Variants in SORL1 observed in about 807,000 individuals in gnomAD.
SORL1 encodes sortilin related receptor 1, also known as sortilin-related receptor.
In SORL1, 127 loss-of-function variants were observed where a neutral mutation model predicts 273.7. The observed-to-expected ratio is 0.46, with a 90% CI of 0.40 to 0.54. The LOEUF (loss-of-function observed/expected upper bound fraction) is 0.54, where lower values mean the gene tolerates loss of function less well. SORL1 is among the 20% of genes least tolerant of loss of function. The probability of loss-of-function intolerance (pLI) is 0.00; values close to 1 mark genes in which losing one functional copy is unlikely to be tolerated. For synonymous variants in SORL1, 1,031 were observed against 1,067.4 expected (o/e 0.97, Z 0.66); for missense variants, 2,494 against 2,846.1 (o/e 0.88, Z 2.81).
Position 121,532,512 on chromosome 11 carries a change from A to G in SORL1, c.1645A>G (p.Ile549Val), listed in dbSNP as rs1391154147. The G allele has an allele frequency of 1.2e-6, 2 of 1,614,048 alleles. No homozygotes were observed. The highest frequency in any genetic ancestry group is 1.3e-5 in the African/African-American group (1 of 74,916). ...YYTWGDHGGI[I>V]TAIAQGMETN... ...CACATGGGGAGACCACGGCGGAATC[A>G]TCACGGCCATTGCCCAGGGCATGGA... The change falls in exon 12 of 48, where the codon ATC becomes GTC. Residue 549 changes from isoleucine (I) to valine (V), a missense_variant. Coordinates refer to ENST00000260197, the MANE Select transcript of SORL1 (RefSeq NM_003105.6).
At chr11:121,492,578 G>A (rs1261954455) in intron 5 of SORL1, among the ~76,000 whole-genome samples, 1 of 152,084 alleles carries the variant, frequency 6.6e-6, no homozygotes, top group Non-Finnish European at 1.5e-5. Context: ...AAGGACTTTT[G>A]TAAGTTTTGT....
chr11:121,500,007 C>T (rs753780), intron 6 of SORL1, among the ~76,000 whole-genome samples: 19,024 of 152,216 alleles, frequency 0.12, 1,500 homozygotes, highest in African/African-American at 0.21. Flanking sequence ...CTGTTGGCCT[C>T]GCTCTGGCTT....
At chr11:121,598,734 A>C (rs955474889) in intron 32 of SORL1, among the ~76,000 whole-genome samples, 1 of 152,194 alleles carries the variant, frequency 6.6e-6, no homozygotes. Context: ...GAGAAAAATC[A>C]TCTTGGCCAA....
intron 1 of SORL1, among the ~76,000 whole-genome samples, chr11:121,457,750 G>A (rs945145255): frequency 2.0e-5 from 3 of 152,226 alleles, no homozygotes; most frequent in Non-Finnish European, 4.4e-5. Context: ...GTTCCCTTGA[G>A]ATGTGGAGTC....
intron 28 of SORL1, among the ~76,000 whole-genome samples, chr11:121,588,744 C>T (rs577500274): frequency 3.3e-5 from 5 of 152,322 alleles, no homozygotes; most frequent in Admixed American, 3.3e-4. Flanking sequence ...AGCCTGGAAG[C>T]TAGCAGTCCA....
chr11:121,621,078 A>G lies in SORL1; in HGVS notation c.5904A>G (p.Ala1968=). Residue 1968 remains alanine (A), a synonymous_variant, in exon 44 of 48, where the codon GCA becomes GCG. Transcript: ENST00000260197. ...SPDQDLLYAV[A]VKDLIRKTDR... ...TTTGGTCCTAGTTGTATGCAGTTGC[A>G]GTCAAAGATCTCATAAGAAAGACTG... The G allele has an allele frequency of 6.2e-7, 1 of 1,608,884 alleles. No homozygotes were observed. Among genetic ancestry groups the G allele is most frequent in the East Asian group, 2.2e-5 (1 of 44,832 alleles).
At position 121,543,071 on chromosome 11, in the gene SORL1, G is replaced by C. The variant is rs184688558; in HGVS notation, c.1686-477G>C. On this transcript the variant is annotated intron_variant, in intron 12 of 47. Coordinates refer to ENST00000260197, the MANE Select transcript of SORL1 (RefSeq NM_003105.6). ...CCGGGTGTGGTGGCGGGCACCTATA[G>C]TCCCAGCTACTCGGGAGGCTGAGGC... 5.2e-3 allele frequency among the ~76,000 whole-genome samples: 781 copies of C among 149,970 alleles called. 8 individuals carry two copies. The highest frequency in any genetic ancestry group is 0.018 in the African/African-American group (748 of 40,922).
At chr11:121,599,316 G>T (rs891101039) in intron 32 of SORL1, among the ~76,000 whole-genome samples, 4 of 152,206 alleles carry the variant, frequency 2.6e-5, no homozygotes, top group African/African-American at 9.6e-5. Context: ...AGGCCAAGGC[G>T]GGTGGATCAC....
intron 24 of SORL1, among the ~76,000 whole-genome samples, chr11:121,575,625 A>C (rs1176987790): frequency 6.6e-6 from 1 of 152,238 alleles, no homozygotes; most frequent in African/African-American, 2.4e-5. Flanking sequence ...GGCCATTTCC[A>C]CACAGAAAAT....
chr11:121,626,549 T>C (rs1342246150), intron 46 of SORL1: 1 of 152,216 alleles, frequency 6.6e-6, no homozygotes, highest in African/African-American at 2.4e-5. Context: ...ACAATTGTTC[T>C]CTGGCCCATC....
chr11:121,605,677 C>T, intron 35 of SORL1, 106 bp downstream of exon 35: 2 of 889,942 alleles, frequency 2.2e-6, no homozygotes, highest in South Asian at 3.2e-5. Flanking sequence ...GTGTGCCTCA[C>T]ATGTACAGAA....
At chr11:121,619,986 G>A (rs1283146643) in intron 43 of SORL1, 69 bp downstream of exon 43, 40 of 1,280,780 alleles carry the variant, frequency 3.1e-5, no homozygotes, top group Non-Finnish European at 4.5e-5. Context: ...GGGATGGAAG[G>A]GGATCCTCTA....
In SORL1 at chr11:121,567,011, A is replaced by G. The variant is rs1862763856; in HGVS notation, c.3121A>G (p.Arg1041Gly). The G allele has an allele frequency of 1.9e-6, 3 of 1,614,180 alleles. No individual in the cohort carries two copies. Among genetic ancestry groups the G allele is most frequent in the Non-Finnish European group, 2.5e-6 (3 of 1,179,982 alleles). Residue 1041 changes from arginine (R) to glycine (G), a missense_variant, in exon 22 of 48, where the codon AGG (arginine) becomes GGG (glycine). Arg to Gly is a moderately radical substitution (Grantham distance 125). Coordinates refer to ENST00000260197, the MANE Select transcript of SORL1 (RefSeq NM_003105.6). ...CAAGGCCAACAACAGTAGAAGCTGC[A>G]GGTGTCCAGAGGATGTGTCCAGCAG... ...LPKANNSRSC[R>G]CPEDVSSSVL...
In SORL1 at chr11:121,584,613, A is replaced by G. The variant is rs184797631; in HGVS notation, c.3706+1030A>G. Among the ~76,000 whole-genome samples, 341 of 150,470 alleles carry G rather than the reference A, an allele frequency of 2.3e-3. 3 individuals carry two copies. Among genetic ancestry groups the G allele is most frequent in the African/African-American group, 7.9e-3 (324 of 40,962 alleles). On this transcript the variant is annotated intron_variant, in intron 26 of 47. Coordinates refer to ENST00000260197, the MANE Select transcript of SORL1 (RefSeq NM_003105.6). Reference sequence around the variant, plus strand: ...AGTGATTTTCTTTTTTTTTTTTGAGATAGGGTCTCACTCTGTCACCCAGGC... The same window carrying G: ...AGTGATTTTCTTTTTTTTTTTTGAGGTAGGGTCTCACTCTGTCACCCAGGC...
At chr11:121,613,140 A>C (rs1242199303) in intron 40 of SORL1, among the ~76,000 whole-genome samples, 1 of 152,228 alleles carries the variant, frequency 6.6e-6, no homozygotes, top group Non-Finnish European at 1.5e-5. Context: ...TGATTTCCAA[A>C]AGAAAGAGTT....
In SORL1 at chr11:121,488,124, T is replaced by C. The variant is rs1403141527; in HGVS notation, c.621T>C (p.Ala207=). 1 of 1,614,194 alleles carries C rather than the reference T, an allele frequency of 6.2e-7. No individual in the cohort carries two copies. The highest frequency in any genetic ancestry group is 8.5e-7 in the Non-Finnish European group (1 of 1,180,038). The change falls in exon 4 of 48, where the codon GCT becomes GCC. Residue 207 remains alanine, a synonymous_variant. Transcript: ENST00000260197. ...GCTTTTCCATCCCATTTCGGGCAGC[T>C]GATCTCCTCCTACACAGTAAGGCCT... ...LQGFSIPFRA[A]DLLLHSKASN...
At position 121,629,691 on chromosome 11, in the gene SORL1, CAAA is replaced by C. The variant is rs566582399; in HGVS notation, c.*140_*142del. On this transcript the variant is annotated 3_prime_UTR_variant, in exon 48 of 48. Transcript: ENST00000260197. ...TTTTATATGGGCCAAAAACAAAAAA[CAAA>C]AAAAAAAAAAAGGAAAGAAAGGAAT... The C allele has an allele frequency of 6.0e-4, 249 of 414,132 alleles. No homozygotes were observed. The highest frequency in any genetic ancestry group is 6.8e-4 in the South Asian group (21 of 30,874). 25.7% of individuals were successfully genotyped at this position (414,132 alleles called of 1,614,324 possible).
chr11:121,594,117 T>C (rs77733711), intron 31 of SORL1, among the ~76,000 whole-genome samples: 1 of 6,286 alleles, frequency 1.6e-4, no homozygotes, highest in Non-Finnish European at 0.013. Flanking sequence ...TGATTCTGAT[T>C]TTTTTTTTTT....
intron 25 of SORL1, among the ~76,000 whole-genome samples, chr11:121,579,848 C>T (rs1408190083): frequency 6.6e-6 from 1 of 152,184 alleles, no homozygotes; most frequent in Admixed American, 6.5e-5. Context: ...AGGGGTTTTG[C>T]AGCAGGAGTC....
Sources: allele counts gnomAD v4.1 joint callset (sites outside exome capture counted in the v4.1 genomes callset), GRCh38; gene constraint gnomAD v4.1.1; transcripts MANE v1.5; gene names NCBI Gene and HGNC (gene_info 2026-07-23, HGNC 2026-07-21).